The following ABL1 variants were observed in gnomAD, a reference collection of about 807,000 sequenced individuals.
The protein encoded by ABL1 is tyrosine-protein kinase ABL1.
Under a neutral mutation model 94.7 loss-of-function variants are expected in ABL1, and 11 were observed. The observed-to-expected ratio is 0.12, with a 90% CI of 0.07 to 0.19. The LOEUF is 0.19. ABL1 is among the 10% of genes least tolerant of loss of function. The pLI, the probability that ABL1 is intolerant of heterozygous loss-of-function variation, is 1.00. For synonymous variants in ABL1, 656 were observed against 622.4 expected (o/e 1.05, Z -0.80); for missense variants, 1,082 against 1,489.4 (o/e 0.73, Z 4.50).
rs138924193 is a variant in ABL1, at chr9:130,854,183, G to A, written c.199G>A (p.Val67Ile). ...GPSENDPNLF[V>I]ALYDFVASGD... ...CAGTGAAAATGACCCCAACCTTTTC[G>A]TTGCACTGTATGATTTTGTGGCCAG... The change falls in exon 2 of 11, where the codon GTT becomes ATT. Residue 67 changes from valine (V) to isoleucine (I), a missense_variant. By Grantham distance (29) the Val-to-Ile change is conservative. Transcript: ENST00000318560. The A allele has an allele frequency of 3.7e-6, 6 of 1,614,090 alleles. No homozygotes were observed. Among genetic ancestry groups the A allele is most frequent in the South Asian group, 2.2e-5 (2 of 91,072 alleles).
intron 1 of ABL1, among the ~76,000 whole-genome samples, chr9:130,818,478 AT>A (rs1000636817): frequency 6.6e-5 from 10 of 152,248 alleles, no homozygotes; most frequent in African/African-American, 2.2e-4. Flanking sequence ...TCAAAAAAAA[AT>A]AAAATAAAAT....
chr9:130,717,113 G>T (rs1384209427), intron 1 of ABL1, among the ~76,000 whole-genome samples: 1 of 151,960 alleles, frequency 6.6e-6, no homozygotes, highest in Non-Finnish European at 1.5e-5. Flanking sequence ...CATGATCTCG[G>T]CTCACTACAA....
intron 4 of ABL1, among the ~76,000 whole-genome samples, chr9:130,864,445 G>A (rs1185600942): frequency 1.3e-5 from 2 of 152,046 alleles, no homozygotes; most frequent in Non-Finnish European, 2.9e-5. Context: ...GGGTTTCGCT[G>A]TGTTGGCCTG....
At chr9:130,744,586 C>T (rs1161253617) in intron 1 of ABL1, among the ~76,000 whole-genome samples, 1 of 151,260 alleles carries the variant, frequency 6.6e-6, no homozygotes. Context: ...GGCGCAGTGG[C>T]TCACGCCTGT....
intron 1 of ABL1, among the ~76,000 whole-genome samples, chr9:130,848,895 C>CG: frequency 6.6e-6 from 1 of 152,056 alleles, no homozygotes; most frequent in African/African-American, 2.4e-5. Context: ...GCAGAGATCA[C>CG]GCCATTGCAC....
chr9:130,747,563 G>T (rs983890713), intron 1 of ABL1, among the ~76,000 whole-genome samples: 2 of 152,042 alleles, frequency 1.3e-5, no homozygotes, highest in Non-Finnish European at 2.9e-5. Context: ...ACAAGCATGC[G>T]CCACAACACC....
Position 130,762,944 on chromosome 9 carries a change from AG to A in ABL1, c.136+48490del, listed in dbSNP as rs1192254935. Among the ~76,000 whole-genome samples the A allele has an allele frequency of 2.0e-5, 3 of 151,932 alleles. No individual in the cohort carries two copies. The East Asian group carries it at 5.8e-4, about 29-fold the overall frequency. Reference sequence around the variant, plus strand: ...AAAAAAAAGAAAAGGAAACCTGAATAGTCTTTCAGGAATGCAAATGAGATCA... The same window carrying A: ...AAAAAAAAGAAAAGGAAACCTGAATATCTTTCAGGAATGCAAATGAGATCA... On this transcript the variant is annotated intron_variant, in intron 1 of 10. Coordinates refer to the ABL1 transcript ENST00000372348.
At chr9:130,836,460 G>C (rs1038027388) in intron 1 of ABL1, among the ~76,000 whole-genome samples, 1 of 152,212 alleles carries the variant, frequency 6.6e-6, no homozygotes, top group African/African-American at 2.4e-5. Context: ...GCCTTCAGCA[G>C]AAAGGCTATC....
chr9:130,766,810 C>CA (rs1332452901), intron 1 of ABL1, among the ~76,000 whole-genome samples: 2 of 152,224 alleles, frequency 1.3e-5, no homozygotes, highest in Non-Finnish European at 2.9e-5. Context: ...ACTTCCCAGC[C>CA]TCCTGTTGCC....
Position 130,835,574 on chromosome 9 carries a change from C to A in ABL1, c.79+49C>A. 1 of 1,498,922 alleles carries A rather than the reference C, an allele frequency of 6.7e-7. No individual in the cohort carries two copies. The highest frequency in any genetic ancestry group is 9.1e-7 in the Non-Finnish European group (1 of 1,103,196). The allele number at this position is 1,498,922 out of a possible 1,614,324, so 92.9% of individuals were successfully genotyped here. A position where few individuals can be genotyped will look rare whatever the true frequency, so the allele number is the denominator to read the frequency against. ...GGCTGAGTAGCCGCGCGCCCTCCCG[C>A]TGCTGCTGGGCCCTTCCTAGGCCTC... On this transcript the variant is annotated intron_variant, in intron 1 of 10. Transcript: ENST00000318560. The surrounding 1 kb of genome is among the most constrained non-coding windows in gnomAD (Gnocchi z 4.6).
intron 1 of ABL1, among the ~76,000 whole-genome samples, chr9:130,753,826 A>T (rs1288306264): frequency 6.6e-6 from 1 of 152,238 alleles, no homozygotes; most frequent in African/African-American, 2.4e-5. Flanking sequence ...TGTTAAATGC[A>T]TGAATGAATA....
At chr9:130,783,907 C>T (rs1490098983) in intron 1 of ABL1, among the ~76,000 whole-genome samples, 2 of 152,078 alleles carry the variant, frequency 1.3e-5, no homozygotes, top group Non-Finnish European at 1.5e-5. Context: ...CTGCCCACCT[C>T]GGCCTCCCAA....
At chr9:130,816,068 C>T (rs1465636544) in intron 1 of ABL1, among the ~76,000 whole-genome samples, 2 of 152,136 alleles carry the variant, frequency 1.3e-5, no homozygotes, top group Admixed American at 6.6e-5. Flanking sequence ...TGGCAGTCAC[C>T]TGTGAGGCTT....
chr9:130,805,304 T>C lies in ABL1; in HGVS notation c.137-48760T>C, dbSNP rs541844810. Among the ~76,000 whole-genome samples, 210 of 152,310 alleles carry C rather than the reference T, an allele frequency of 1.4e-3. 1 individual carries two copies. The highest frequency in any genetic ancestry group is 4.8e-3 in the African/African-American group (199 of 41,556). The stretch of plus-strand genomic sequence containing the variant: ...AATATTGGTCAGGCTGGTCTCGAAC[T>C]CCTGACCTCGTGATTCACCCACCTC... On this transcript the variant is annotated intron_variant, in intron 1 of 10. Transcript: ENST00000372348.
At chr9:130,848,345 G>GAAAAAA (rs34112720) in intron 1 of ABL1, among the ~76,000 whole-genome samples, 24 of 69,614 alleles carry the variant, frequency 3.4e-4, no homozygotes, top group Non-Finnish European at 6.0e-4. Flanking sequence ...TACTGAAAAT[G>GAAAAAA]AAAAAAAAAA....
chr9:130,762,768 G>T (rs866020879), intron 1 of ABL1, among the ~76,000 whole-genome samples: 1 of 151,914 alleles, frequency 6.6e-6, no homozygotes, highest in Admixed American at 6.6e-5. Context: ...AAAATTGGCC[G>T]GGTGTGGTAG....
In ABL1 at chr9:130,854,318, C is replaced by T. The variant is rs1830938960; in HGVS notation, c.253+81C>T. ...GCGGTTTGACCTACCACCCTTTGCT[C>T]GTTAAAGGAGCAGCTTTGAAATCTG... On this transcript the variant is annotated intron_variant, in intron 2 of 10. Transcript: ENST00000318560. 4.7e-6 allele frequency: 7 copies of T among 1,485,762 alleles called. No homozygotes were observed. The African/African-American group carries it at 5.6e-5, about 12-fold the overall frequency. The allele number at this position is 1,485,762 out of a possible 1,614,324, so 92.0% of individuals were successfully genotyped here. A position where few individuals can be genotyped will look rare whatever the true frequency, so the allele number is the denominator to read the frequency against.
At chr9:130,882,197 C>G (rs918805350) in intron 10 of ABL1, among the ~76,000 whole-genome samples, 7 of 152,046 alleles carry the variant, frequency 4.6e-5, no homozygotes. Context: ...ACCCAGTGAT[C>G]AGCAGTCATG....
intron 1 of ABL1, among the ~76,000 whole-genome samples, chr9:130,760,119 T>C (rs959669697): frequency 6.6e-6 from 1 of 152,046 alleles, no homozygotes. Flanking sequence ...TTGTTTAGTT[T>C]TAAAGATTTA....
Sources: allele counts gnomAD v4.1 joint callset (sites outside exome capture counted in the v4.1 genomes callset), GRCh38; gene constraint gnomAD v4.1.1; non-coding constraint Gnocchi (gnomAD v3.1); transcripts MANE v1.5; gene names NCBI Gene and HGNC (gene_info 2026-07-23, HGNC 2026-07-21).